Variants in SYT1 observed in about 807,000 individuals in gnomAD.
SYT1 encodes synaptotagmin 1, also known as synaptotagmin-1.
Under a neutral mutation model 44.8 loss-of-function variants are expected in SYT1, and 8 were observed. That is an observed-to-expected ratio of 0.18 (90% confidence interval 0.10 to 0.32). The LOEUF (loss-of-function observed/expected upper bound fraction) is 0.32. Ranked by LOEUF, SYT1 falls within the 10% of genes least tolerant of loss-of-function variation. SYT1 has a pLI of 1.00. For missense variants in SYT1, 286 were observed against 509.3 expected (o/e 0.56, Z 4.22); for synonymous variants, 154 against 188.8 (o/e 0.82, Z 1.51).
At chr12:79,355,058 G>A (rs1478929655) in intron 9 of SYT1, among the ~76,000 whole-genome samples, 2 of 151,960 alleles carry the variant, frequency 1.3e-5, no homozygotes, top group Non-Finnish European at 2.9e-5. Context: ...CCAGAAATGA[G>A]TTCCCATCAT....
At chr12:79,402,777 T>C (rs1885117267) in intron 9 of SYT1, among the ~76,000 whole-genome samples, 1 of 152,164 alleles carries the variant, frequency 6.6e-6, no homozygotes, top group African/African-American at 2.4e-5. Context: ...TACTGACATA[T>C]TTGCAAAGCA....
chr12:79,271,075 A>G (rs1878396901), intron 4 of SYT1, among the ~76,000 whole-genome samples: 1 of 152,210 alleles, frequency 6.6e-6, no homozygotes, highest in South Asian at 2.1e-4. Flanking sequence ...ATTTGGAAGC[A>G]TGAACTTGAC....
intron 3 of SYT1, among the ~76,000 whole-genome samples, chr12:79,080,615 G>A (rs1876967169): frequency 6.6e-6 from 1 of 152,048 alleles, no homozygotes; most frequent in South Asian, 2.1e-4. Context: ...TGAATATATA[G>A]GTTTTATAGG....
chr12:79,009,119 G>C (rs1447814267), intron 2 of SYT1, among the ~76,000 whole-genome samples: 1 of 151,932 alleles, frequency 6.6e-6, no homozygotes, highest in Non-Finnish European at 1.5e-5. Flanking sequence ...ACCTCTTTTT[G>C]TTATTATGTG....
chr12:79,195,050 G>A (rs1202933516), intron 3 of SYT1, among the ~76,000 whole-genome samples: 2 of 152,210 alleles, frequency 1.3e-5, no homozygotes, highest in Non-Finnish European at 1.5e-5. Context: ...AATCCCTATT[G>A]TTAACTGAGC....
chr12:79,074,085 T>C (rs1876472912), intron 3 of SYT1, among the ~76,000 whole-genome samples: 6 of 152,210 alleles, frequency 3.9e-5, no homozygotes, highest in Admixed American at 3.9e-4. Flanking sequence ...CATTTTGCAA[T>C]AGAGACCAAG....
chr12:79,302,680 A>C (rs1040384145), intron 8 of SYT1, among the ~76,000 whole-genome samples: 1 of 152,110 alleles, frequency 6.6e-6, no homozygotes, highest in African/African-American at 2.4e-5. Flanking sequence ...TGAGGTTTCC[A>C]TTTGGCTTGA....
At chr12:79,247,103 T>C (rs1592894531) in intron 4 of SYT1, among the ~76,000 whole-genome samples, 1 of 152,190 alleles carries the variant, frequency 6.6e-6, no homozygotes, top group Admixed American at 6.5e-5. Context: ...CCAAGTGTCA[T>C]AGAGGTTGGG....
intron 4 of SYT1, among the ~76,000 whole-genome samples, chr12:79,224,295 T>C (rs1261349757): frequency 6.6e-6 from 1 of 152,150 alleles, no homozygotes; most frequent in Non-Finnish European, 1.5e-5. Flanking sequence ...GAGCTTATAT[T>C]CTAGTGAAGA....
intron 4 of SYT1, among the ~76,000 whole-genome samples, chr12:79,253,876 T>C (rs1253903571): frequency 6.6e-6 from 1 of 152,146 alleles, no homozygotes; most frequent in Non-Finnish European, 1.5e-5. Flanking sequence ...ACTACCTAAT[T>C]TGATGCCTAA....
intron 1 of SYT1, among the ~76,000 whole-genome samples, chr12:78,871,502 T>C (rs367806247): frequency 8.5e-5 from 13 of 152,050 alleles, no homozygotes; most frequent in African/African-American, 3.1e-4. Context: ...TTAGCTCCTA[T>C]GAAATACGGA....
chr12:78,973,936 AAAATATATATATATATAT>A (rs1868601164), intron 1 of SYT1, among the ~76,000 whole-genome samples: 6 of 25,302 alleles, frequency 2.4e-4, no homozygotes, highest in Admixed American at 5.6e-4. Context: ...AAAAAAAAAA[AAAATATATATATATATAT>A]ATATATATAT....
intron 3 of SYT1, among the ~76,000 whole-genome samples, chr12:79,145,993 G>C (rs1869884227): frequency 6.6e-6 from 1 of 151,996 alleles, no homozygotes; most frequent in South Asian, 2.1e-4. Flanking sequence ...TCCTGACCTC[G>C]TGATCCGCCC....
chr12:79,027,574 T>TA (rs1268359737), intron 2 of SYT1, among the ~76,000 whole-genome samples: 1 of 151,478 alleles, frequency 6.6e-6, no homozygotes, highest in African/African-American at 2.4e-5. Flanking sequence ...CTCTGTGGAA[T>TA]AAATGCATTG....
At chr12:79,253,974 A>G (rs537499368) in intron 4 of SYT1, among the ~76,000 whole-genome samples, 17 of 152,316 alleles carry the variant, frequency 1.1e-4, no homozygotes, top group East Asian at 3.9e-4. Flanking sequence ...AAGTTGGTTC[A>G]TGAAGTTTAA....
intron 2 of SYT1, among the ~76,000 whole-genome samples, chr12:78,980,094 A>C (rs1016565527): frequency 3.9e-5 from 6 of 152,132 alleles, no homozygotes; most frequent in African/African-American, 1.4e-4. Flanking sequence ...TAATCTTAAT[A>C]AGAATATTTT....
intron 4 of SYT1, among the ~76,000 whole-genome samples, chr12:79,260,916 T>A (rs891802918): frequency 1.3e-5 from 2 of 152,028 alleles, no homozygotes; most frequent in Non-Finnish European, 2.9e-5. Context: ...GATAAAAACA[T>A]CTTGAGGATC....
chr12:78,913,471 A>T (rs1306180897), intron 1 of SYT1, among the ~76,000 whole-genome samples: 2 of 151,754 alleles, frequency 1.3e-5, no homozygotes, highest in Non-Finnish European at 2.9e-5. Flanking sequence ...TAGATCTCAT[A>T]ATGATTTAAA....
intron 9 of SYT1, chr12:79,392,634 G>A (rs1370813749): frequency 6.6e-6 from 1 of 152,024 alleles, no homozygotes; most frequent in East Asian, 1.9e-4. Context: ...AAATGTTTAT[G>A]TCTGATGACA....
Sources: gnomAD v4.1 joint callset for allele counts (sites outside exome capture counted in the v4.1 genomes callset) on GRCh38, gnomAD v4.1.1 for gene constraint, MANE v1.5 for transcripts, NCBI Gene and HGNC (gene_info 2026-07-23, HGNC 2026-07-21) for gene names.